The following TYW1B variants were observed in gnomAD, a reference collection of about 807,000 sequenced individuals.
TYW1B encodes tRNA-yW synthesizing protein 1 homolog B.
TYW1B carries 73 observed loss-of-function variants against 86.9 expected under a neutral mutation model. The ratio of observed to expected loss-of-function variants is 0.84; its 90% CI spans 0.70 to 1.02. TYW1B has a LOEUF of 1.02. Among genes scored for constraint, TYW1B ranks in the 50% least tolerant of loss-of-function variants. TYW1B has a pLI of 0.00. For synonymous variants in TYW1B, 248 were observed against 292.8 expected (o/e 0.85, Z 1.56); for missense variants, 637 against 827.4 (o/e 0.77, Z 2.82).
At chr7:72,675,582 CAT>C (rs1181894780) in intron 11 of TYW1B, among the ~76,000 whole-genome samples, 115 of 145,830 alleles carry the variant, frequency 7.9e-4, no homozygotes, top group Non-Finnish European at 1.1e-3. Flanking sequence ...TACACACACA[CAT>C]ATATATATAT....
intron 8 of TYW1B, among the ~76,000 whole-genome samples, chr7:72,731,125 GAAAAAA>G (rs1162938084): frequency 7.0e-5 from 5 of 71,160 alleles, no homozygotes; most frequent in Non-Finnish European, 1.1e-4. Context: ...CTAAGGGCTG[GAAAAAA>G]AAAAAAAAAA....
intron 13 of TYW1B, among the ~76,000 whole-genome samples, chr7:72,582,969 A>C (rs868931461): frequency 3.3e-5 from 5 of 152,294 alleles, no homozygotes; most frequent in Middle Eastern, 6.8e-3. Flanking sequence ...CTAAACAAAA[A>C]TCTGGTATGT....
At position 72,575,687 on chromosome 7, in the gene TYW1B, G is replaced by A. The variant is rs1554428331; in HGVS notation, c.1818C>T (p.Ile606=). ...TGAGCTCCTGGAAGCGGTTATAATC[G>A]ATCCATGTCCACCATTCACCACCAA... The part of the protein sequence containing the change: ...FKIGGEWWTW[I]DYNRFQELIQ... The change falls in exon 14 of 14, where the codon ATC becomes ATT. Residue 606 remains isoleucine, a synonymous_variant. Transcript: ENST00000620995. 2 of 1,611,404 alleles carry A rather than the reference G, an allele frequency of 1.2e-6. No individual in the cohort carries two copies. Among genetic ancestry groups the A allele is most frequent in the Non-Finnish European group, 1.7e-6 (2 of 1,178,634 alleles).
chr7:72,710,128 G>C (rs151135213), intron 10 of TYW1B, among the ~76,000 whole-genome samples: 250 of 152,214 alleles, frequency 1.6e-3, no homozygotes, highest in African/African-American at 5.7e-3. Context: ...GGCATTCCCA[G>C]ACAATTCCAT....
intron 4 of TYW1B, among the ~76,000 whole-genome samples, chr7:72,809,600 G>A (rs557517114): frequency 6.6e-6 from 1 of 152,202 alleles, no homozygotes; most frequent in Admixed American, 6.6e-5. Context: ...TTCAGAGAAT[G>A]CTGATCAGGT....
At chr7:72,722,064 A>T (rs1436980662) in intron 9 of TYW1B, among the ~76,000 whole-genome samples, 2 of 152,128 alleles carry the variant, frequency 1.3e-5, no homozygotes, top group Admixed American at 6.6e-5. Flanking sequence ...CTTCCCAACA[A>T]CCTGTCCTGA....
intron 11 of TYW1B, among the ~76,000 whole-genome samples, chr7:72,687,899 A>C (rs879962001): frequency 2.6e-5 from 4 of 152,054 alleles, no homozygotes; most frequent in Admixed American, 2.0e-4. Flanking sequence ...TCAAAAAAAA[A>C]TTTTTTAGCC....
At chr7:72,656,026 C>G (rs1456635967) in intron 11 of TYW1B, among the ~76,000 whole-genome samples, 2 of 152,190 alleles carry the variant, frequency 1.3e-5, no homozygotes, top group Non-Finnish European at 2.9e-5. Flanking sequence ...CAAAGACTGG[C>G]CCGACCAGGA....
intron 13 of TYW1B, among the ~76,000 whole-genome samples, chr7:72,601,735 A>T (rs1485530852): frequency 1.3e-5 from 2 of 151,228 alleles, no homozygotes; most frequent in African/African-American, 4.9e-5. Flanking sequence ...AGAATCTTAA[A>T]TGCATATTGC....
At chr7:72,684,785 A>C (rs1255557796) in intron 11 of TYW1B, among the ~76,000 whole-genome samples, 15 of 152,104 alleles carry the variant, frequency 9.9e-5, no homozygotes, top group African/African-American at 3.6e-4. Flanking sequence ...GCAATGATAC[A>C]AGGACAGGAG....
At chr7:72,687,327 T>C (rs1239991477) in intron 11 of TYW1B, among the ~76,000 whole-genome samples, 1 of 152,082 alleles carries the variant, frequency 6.6e-6, no homozygotes, top group African/African-American at 2.4e-5. Flanking sequence ...TCCAGCTACT[T>C]GGGAGCTGAG....
chr7:72,813,768 A>G (rs370951073), intron 3 of TYW1B, among the ~76,000 whole-genome samples: 1 of 152,300 alleles, frequency 6.6e-6, no homozygotes, highest in East Asian at 1.9e-4. Context: ...TAATCCCAGC[A>G]CTATGGGAGG....
At chr7:72,634,951 T>C (rs760217401) in intron 11 of TYW1B, among the ~76,000 whole-genome samples, 7 of 152,214 alleles carry the variant, frequency 4.6e-5, no homozygotes, top group Non-Finnish European at 8.8e-5. Context: ...TTTCACAATG[T>C]CTTCTGATCA....
chr7:72,752,872 G>GA (rs1554465349), intron 7 of TYW1B, among the ~76,000 whole-genome samples: 2 of 152,120 alleles, frequency 1.3e-5, no homozygotes, highest in East Asian at 3.8e-4. Flanking sequence ...GGAATCCGCT[G>GA]AAAAATGTCC....
intron 13 of TYW1B, among the ~76,000 whole-genome samples, chr7:72,615,362 G>A (rs140946836): frequency 0.012 from 1,866 of 152,316 alleles, 19 homozygotes; most frequent in African/African-American, 0.043. Context: ...AGAAGGCTGT[G>A]ATTCCAGTTT....
At chr7:72,684,854 T>C (rs1554448990) in intron 11 of TYW1B, among the ~76,000 whole-genome samples, 1 of 152,154 alleles carries the variant, frequency 6.6e-6, no homozygotes, top group Non-Finnish European at 1.5e-5. Context: ...GTCAAGCCTA[T>C]AATCCCAGCA....
intron 11 of TYW1B, among the ~76,000 whole-genome samples, chr7:72,671,989 C>T (rs1459759770): frequency 3.4e-5 from 4 of 118,074 alleles, no homozygotes; most frequent in East Asian, 2.4e-4. Context: ...TGGCTGGGTC[C>T]CCACCCAAAT....
chr7:72,665,056 G>T (rs1347750966), intron 11 of TYW1B, among the ~76,000 whole-genome samples: 1 of 152,058 alleles, frequency 6.6e-6, no homozygotes, highest in African/African-American at 2.4e-5. Context: ...GAATCTGCAA[G>T]GACACAGCCT....
chr7:72,818,300 G>A (rs782510995), intron 2 of TYW1B, among the ~76,000 whole-genome samples: 6 of 151,744 alleles, frequency 4.0e-5, no homozygotes, highest in Non-Finnish European at 5.9e-5. Flanking sequence ...AAAAATACCC[G>A]GCCGGGCATG....
Sources: gnomAD v4.1 joint callset for allele counts (sites outside exome capture counted in the v4.1 genomes callset) on GRCh38, gnomAD v4.1.1 for gene constraint, MANE v1.5 for transcripts, NCBI Gene and HGNC (gene_info 2026-07-23, HGNC 2026-07-21) for gene names.